Variants in MCM8 observed in about 807,000 individuals in gnomAD.
MCM8 encodes the protein DNA helicase MCM8.
In MCM8, 85 loss-of-function variants were observed where a neutral mutation model predicts 98.9. That is an observed-to-expected ratio of 0.86 (90% CI 0.72 to 1.03). The LOEUF is 1.03. Among genes scored for constraint, MCM8 ranks in the 50% least tolerant of loss-of-function variants. MCM8 has a pLI of 0.00. For synonymous variants in MCM8, 352 were observed against 338.6 expected, an observed-to-expected ratio of 1.04 and a Z score of -0.44; for missense variants, 951 against 997.8, an observed-to-expected ratio of 0.95 and a Z score of 0.63.
chr20:5,985,191 A>T lies in MCM8; in HGVS notation c.1953+191A>T, dbSNP rs948144602. On this transcript the variant is annotated intron_variant, in intron 15 of 18. Transcript: ENST00000610722. Reference sequence around the variant, plus strand: ...CCTGGCGTGGTGGCTTATGCCGGTAATCCCAGCACTTTGGGAGGCCGAGGC... The same window carrying T: ...CCTGGCGTGGTGGCTTATGCCGGTATTCCCAGCACTTTGGGAGGCCGAGGC... Among the ~76,000 whole-genome samples the T allele has an allele frequency of 6.6e-5, 10 of 152,124 alleles. 1 individual carries two copies. The highest frequency in any genetic ancestry group is 5.2e-4 in the Admixed American group (8 of 15,270).
intron 10 of MCM8, 70 bp downstream of exon 10, chr20:5,968,095 A>T: frequency 7.3e-7 from 1 of 1,361,174 alleles, no homozygotes; most frequent in Non-Finnish European, 1.0e-6. Context: ...TACAGGTAAC[A>T]AAAAACTAGT....
intron 7 of MCM8, among the ~76,000 whole-genome samples, chr20:5,961,600 C>G (rs1288173597): frequency 6.6e-6 from 1 of 152,152 alleles, no homozygotes; most frequent in East Asian, 1.9e-4. Flanking sequence ...TAACCTTTAG[C>G]TTAGAGGCCA....
chr20:5,996,807 G>A lies in MCM8; in HGVS notation c.*2416G>A, dbSNP rs949593060. The A allele has an allele frequency of 6.6e-6, 1 of 152,336 alleles. No homozygotes were observed. The highest frequency in any genetic ancestry group is 6.5e-5 in the Admixed American group (1 of 15,302). The allele number at this position is 152,336 out of a possible 1,614,324, so 9.4% of individuals were successfully genotyped here. On this transcript the variant is annotated 3_prime_UTR_variant, in exon 19 of 19. Coordinates refer to ENST00000610722, the MANE Select transcript of MCM8 (RefSeq NM_032485.6). Reference sequence around the variant, plus strand: ...CAGGGCCAAACTAACAACAAAAGTTGTTTAGCTTTCCCTTACAATCCAGCT... The same window carrying A: ...CAGGGCCAAACTAACAACAAAAGTTATTTAGCTTTCCCTTACAATCCAGCT...
rs2122794499 is a variant in MCM8 at position 5,982,973 on chromosome 20, T to C, written c.1541T>C (p.Ile514Thr). ...AGALVLGDQGICGIDEFDKMG... is the reference protein window; with the variant it reads ...AGALVLGDQGTCGIDEFDKMG... ...CTTTATTCTACTTCGATTGTAGGTA[T>C]TTGTGGAATCGATGAATTTGATAAG... The change falls in exon 14 of 19, where the codon ATT becomes ACT. Residue 514 changes from isoleucine to threonine, a missense_variant. By Grantham distance (89) the Ile-to-Thr change is moderately conservative. Transcript: ENST00000610722. 6.2e-7 allele frequency: 1 copy of C among 1,608,542 alleles called. No homozygotes were observed. The highest frequency in any genetic ancestry group is 2.2e-5 in the East Asian group (1 of 44,634).
chr20:5,968,118 C>T (rs961598393), intron 10 of MCM8, 93 bp downstream of exon 10: 11 of 992,696 alleles, frequency 1.1e-5, no homozygotes, highest in South Asian at 1.6e-5. Flanking sequence ...AAATGGTCGG[C>T]AAACTACAGT....
At position 5,950,695 on chromosome 20, in the gene MCM8, AG is replaced by A. The variant is rs1304560675; in HGVS notation, c.-330del. On this transcript the variant is annotated 5_prime_UTR_variant, in exon 1 of 19. Transcript: ENST00000610722. Reference sequence around the variant, plus strand: ...TCACTGAAGCGCCAAAAAAGAATTTAGGGGAAGACCTGATTTTCGCTTGAGG... The same window carrying A: ...TCACTGAAGCGCCAAAAAAGAATTTAGGGAAGACCTGATTTTCGCTTGAGG... 2 of 333,306 alleles carry A rather than the reference AG, an allele frequency of 6.0e-6. No homozygotes were observed. The highest frequency in any genetic ancestry group is 1.0e-4 in the East Asian group (2 of 19,472). 20.6% of individuals were successfully genotyped at this position (333,306 alleles called of 1,614,324 possible). A position where few individuals can be genotyped will look rare whatever the true frequency, so the allele number is the denominator to read the frequency against.
At chr20:5,951,045 G>A (rs549684818) in intron 1 of MCM8, 22 bp downstream of exon 1, 27 of 152,282 alleles carry the variant, frequency 1.8e-4, no homozygotes, top group African/African-American at 6.3e-4. Context: ...AGCCTTAGGA[G>A]ATGTAAATAA....
At chr20:5,975,590 G>A (rs1449138049) in intron 12 of MCM8, among the ~76,000 whole-genome samples, 7 of 150,146 alleles carry the variant, frequency 4.7e-5, no homozygotes, top group Non-Finnish European at 8.9e-5. Flanking sequence ...TCCGCCTCCC[G>A]GGTTCACGCC....
rs1182593222 is a variant in MCM8 at position 5,958,730 on chromosome 20, A to C, written c.789+4A>C. 3.1e-6 allele frequency: 5 copies of C among 1,613,200 alleles called. No homozygotes were observed. The East Asian group carries it at 1.1e-4, about 36-fold the overall frequency. On this transcript the variant is annotated splice_donor_region_variant and intron_variant, in intron 7 of 18. Transcript: ENST00000610722. ...AAAATACAGTCTTCCCACAAAGGTA[A>C]TACGTTCTTTAACTGCTTCTTTATT...
At chr20:5,987,180 A>C in intron 16 of MCM8, 102 bp from the exon 17 acceptor site, 1 of 1,125,638 alleles carries the variant, frequency 8.9e-7, no homozygotes, top group Non-Finnish European at 1.3e-6. Flanking sequence ...CCTCGCCTAA[A>C]GGTCAGTTTT....
chr20:5,962,443 C>T (rs1377448369), intron 7 of MCM8, among the ~76,000 whole-genome samples: 1 of 61,760 alleles, frequency 1.6e-5, no homozygotes, highest in Non-Finnish European at 2.3e-5. Flanking sequence ...GGCGCAATCT[C>T]GGCTCACTGC....
At chr20:5,993,744 G>T (rs1285203635) in intron 18 of MCM8, 49 bp downstream of exon 18, 1 of 1,425,078 alleles carries the variant, frequency 7.0e-7, no homozygotes, top group Non-Finnish European at 9.5e-7. Flanking sequence ...GGAGGTCCTT[G>T]TTAATATATA....
chr20:5,968,364 G>A (rs1406744712), intron 10 of MCM8, among the ~76,000 whole-genome samples: 2 of 152,164 alleles, frequency 1.3e-5, no homozygotes, highest in African/African-American at 2.4e-5. Flanking sequence ...GGCCAACATG[G>A]TGAAACCCTG....
rs771580709 is a variant in MCM8 at position 5,973,173 on chromosome 20, C to T, written c.1372C>T (p.Leu458=). 4.3e-6 allele frequency: 7 copies of T among 1,614,112 alleles called. No individual in the cohort carries two copies. The highest frequency in any genetic ancestry group is 2.2e-5 in the East Asian group (1 of 44,872). ...PHILVVGDPG[L]GKSQMLQAAC... is the part of the protein sequence containing the mutation. ...CATCCTTGTTGTTGGAGATCCAGGC[C>T]TAGGAAAAAGTCAAATGCTACAGGT... Residue 458 remains leucine (L), a synonymous_variant, in exon 12 of 19, where the codon CTA becomes TTA. Transcript: ENST00000610722.
chr20:5,976,926 T>TG (rs1181397088), intron 12 of MCM8, among the ~76,000 whole-genome samples: 3 of 152,194 alleles, frequency 2.0e-5, no homozygotes, highest in Admixed American at 2.0e-4. Flanking sequence ...CACTCCAGCC[T>TG]GGACGACAGA....
At chr20:5,961,835 T>C (rs1443798664) in intron 7 of MCM8, among the ~76,000 whole-genome samples, 1 of 152,190 alleles carries the variant, frequency 6.6e-6, no homozygotes, top group African/African-American at 2.4e-5. Context: ...GAAGAGGTCC[T>C]CCATTTGTCT....
chr20:5,993,887 T>C (rs959622716), intron 18 of MCM8, 192 bp downstream of exon 18: 1 of 474,510 alleles, frequency 2.1e-6, no homozygotes, highest in African/African-American at 1.9e-5. Flanking sequence ...CTCTTGTGGA[T>C]ATGTCATTTT....
At position 5,985,171 on chromosome 20, in the gene MCM8, C is replaced by T. The variant is rs546458209; in HGVS notation, c.1953+171C>T. Among the ~76,000 whole-genome samples, 6 of 152,174 alleles carry T rather than the reference C, an allele frequency of 3.9e-5. No individual in the cohort carries two copies. The East Asian group carries it at 7.7e-4, about 20-fold the overall frequency. ...TCTGAAATAATCCAAGTCGGCCTGG[C>T]GTGGTGGCTTATGCCGGTAATCCCA... On this transcript the variant is annotated intron_variant, in intron 15 of 18. Coordinates refer to ENST00000610722, the MANE Select transcript of MCM8 (RefSeq NM_032485.6).
At chr20:5,985,551 T>C (rs551598644) in intron 15 of MCM8, among the ~76,000 whole-genome samples, 3 of 152,184 alleles carry the variant, frequency 2.0e-5, no homozygotes, top group Admixed American at 6.5e-5. Flanking sequence ...AAACAAGTTA[T>C]TTATTTATTC....
Sources: allele counts gnomAD v4.1 joint callset (sites outside exome capture counted in the v4.1 genomes callset), GRCh38; gene constraint gnomAD v4.1.1; transcripts MANE v1.5; gene names NCBI Gene and HGNC (gene_info 2026-07-23, HGNC 2026-07-21).